KCNT2: variants seen among roughly 807,000 people sequenced by gnomAD.
KCNT2 encodes potassium channel subfamily T member 2.
Under a neutral mutation model 153.8 loss-of-function variants are expected in KCNT2, and 67 were observed. The observed-to-expected ratio is 0.44, with a 90% CI of 0.36 to 0.53. The LOEUF (loss-of-function observed/expected upper bound fraction) is 0.53, where lower values mean the gene tolerates loss of function less well. KCNT2 is among the 20% of genes least tolerant of loss of function. KCNT2 has a pLI of 0.00. For missense variants in KCNT2, 975 were observed against 1,354.8 expected (o/e 0.72, Z 4.40); for synonymous variants, 500 against 458.8 (o/e 1.09, Z -1.15).
At chr1:196,443,317 C>CA (rs924024853) in intron 8 of KCNT2, among the ~76,000 whole-genome samples, 7 of 151,412 alleles carry the variant, frequency 4.6e-5, no homozygotes, top group Admixed American at 4.0e-4. Flanking sequence ...ATTTGGTCAT[C>CA]ATTTTCAAGT....
At chr1:196,342,017 T>A in intron 15 of KCNT2, 62 bp downstream of exon 15, 1 of 1,527,174 alleles carries the variant, frequency 6.5e-7, no homozygotes, top group Non-Finnish European at 8.8e-7. Flanking sequence ...TTTTGAAAAC[T>A]ATTTTCACAT....
intron 3 of KCNT2, among the ~76,000 whole-genome samples, chr1:196,486,549 A>G (rs1321790066): frequency 6.6e-6 from 1 of 151,968 alleles, no homozygotes; most frequent in Non-Finnish European, 1.5e-5. Context: ...AGAGGGTAAA[A>G]GTGTGAGAAC....
At chr1:196,606,137 T>C (rs1558130372) in intron 1 of KCNT2, among the ~76,000 whole-genome samples, 1 of 152,208 alleles carries the variant, frequency 6.6e-6, no homozygotes, top group Non-Finnish European at 1.5e-5. Context: ...AACTAAATGT[T>C]AGTTCTGCGC....
rs189608414 is a variant in KCNT2, at chr1:196,395,439, G to A, written c.1294+3124C>T. The stretch of plus-strand genomic sequence containing the variant: ...AATACAAATTTGTTATGAAGATGAC[G>A]AATAGGCACTCAAGATATAAATTAT... On this transcript the variant is annotated intron_variant, in intron 13 of 27. Coordinates refer to ENST00000294725, the MANE Select transcript of KCNT2 (RefSeq NM_198503.5). Among the ~76,000 whole-genome samples the A allele has an allele frequency of 6.6e-5, 10 of 151,624 alleles. No individual in the cohort carries two copies. The East Asian group carries it at 1.8e-3, about 27-fold the overall frequency.
intron 12 of KCNT2, among the ~76,000 whole-genome samples, chr1:196,422,699 T>C (rs1673313671): frequency 6.6e-6 from 1 of 151,914 alleles, no homozygotes; most frequent in Non-Finnish European, 1.5e-5. Flanking sequence ...TTGGTTCTAA[T>C]GCCTGATCCA....
intron 14 of KCNT2, among the ~76,000 whole-genome samples, chr1:196,365,841 T>A (rs1667992101): frequency 6.6e-6 from 1 of 152,178 alleles, no homozygotes; most frequent in Non-Finnish European, 1.5e-5. Flanking sequence ...AAAGATTGAC[T>A]CTTACTTGTA....
At chr1:196,531,429 G>A (rs759615167) in intron 1 of KCNT2, among the ~76,000 whole-genome samples, 3 of 152,058 alleles carry the variant, frequency 2.0e-5, no homozygotes, top group Non-Finnish European at 2.9e-5. Context: ...AATGCACCAC[G>A]TTAACTGTTC....
chr1:196,258,295 G>A lies in KCNT2; in HGVS notation c.3110C>T (p.Thr1037Ile). ...CCTGTAGAGGTTCAGTCGCTGCTGG[G>A]TTATTTTTTCAGCTGTTTTACCAGA... ...KHSGKTAEKI[T>I]QQRLNLYRRS... Residue 1037 changes from threonine to isoleucine, a missense_variant, in exon 26 of 28, where the codon ACC (threonine) becomes ATC (isoleucine). Physicochemically the swap from Thr to Ile is moderately conservative, Grantham distance 89. Around this residue, in one of 6 missense-constraint regions of KCNT2, gnomAD observed 241 missense variants for 271.1 expected, o/e 0.89. Coordinates refer to ENST00000294725, the MANE Select transcript of KCNT2 (RefSeq NM_198503.5). The A allele has an allele frequency of 6.2e-7, 1 of 1,613,996 alleles. No individual in the cohort carries two copies. The highest frequency in any genetic ancestry group is 2.2e-5 in the East Asian group (1 of 44,866).
chr1:196,564,108 A>T (rs1659776831), intron 1 of KCNT2, among the ~76,000 whole-genome samples: 1 of 151,854 alleles, frequency 6.6e-6, no homozygotes, highest in South Asian at 2.1e-4. Context: ...TATAGAAAAT[A>T]CAAAAGACCC....
chr1:196,463,114 T>G (rs939820453), intron 8 of KCNT2, among the ~76,000 whole-genome samples: 39 of 151,744 alleles, frequency 2.6e-4, no homozygotes, highest in African/African-American at 9.4e-4. Context: ...CCCAGCAGTA[T>G]CAAGCTGGGG....
chr1:196,350,155 C>A (rs1456279089), intron 14 of KCNT2, among the ~76,000 whole-genome samples: 2 of 151,978 alleles, frequency 1.3e-5, no homozygotes, highest in Non-Finnish European at 2.9e-5. Context: ...TGAATAGAGC[C>A]GCAATAAACA....
intron 13 of KCNT2, among the ~76,000 whole-genome samples, chr1:196,396,166 G>T (rs1253010085): frequency 2.0e-5 from 3 of 151,578 alleles, no homozygotes; most frequent in African/African-American, 7.3e-5. Flanking sequence ...CTTTCCAAGT[G>T]ATTTTTCATC....
At chr1:196,248,053 C>A (rs1655611608) in intron 26 of KCNT2, among the ~76,000 whole-genome samples, 1 of 151,946 alleles carries the variant, frequency 6.6e-6, no homozygotes, top group Non-Finnish European at 1.5e-5. Context: ...TGACCAATGG[C>A]TCAATGAAGA....
At chr1:196,268,901 C>G (rs1472801980) in intron 25 of KCNT2, among the ~76,000 whole-genome samples, 1 of 152,112 alleles carries the variant, frequency 6.6e-6, no homozygotes, top group African/African-American at 2.4e-5. Flanking sequence ...ATTCTCCACA[C>G]TGCCTCTGTG....
chr1:196,458,192 T>A (rs1161879444), intron 8 of KCNT2, among the ~76,000 whole-genome samples: 1 of 151,588 alleles, frequency 6.6e-6, no homozygotes, highest in African/African-American at 2.4e-5. Context: ...AAAAGCAATA[T>A]TAAAAAACAA....
At chr1:196,259,305 A>T (rs570208522) in intron 25 of KCNT2, among the ~76,000 whole-genome samples, 1 of 152,252 alleles carries the variant, frequency 6.6e-6, no homozygotes, top group South Asian at 2.1e-4. Flanking sequence ...TTAAAGTAAG[A>T]TGCTCTCCTT....
At chr1:196,463,168 G>C (rs117996821) in intron 8 of KCNT2, among the ~76,000 whole-genome samples, 8,668 of 151,792 alleles carry the variant, frequency 0.057, 391 homozygotes, top group Non-Finnish European at 0.085. Context: ...ATTTGTTTAA[G>C]TTGCTGTATT....
intron 1 of KCNT2, among the ~76,000 whole-genome samples, chr1:196,503,999 C>A (rs1317989378): frequency 1.3e-5 from 2 of 152,036 alleles, no homozygotes; most frequent in African/African-American, 4.8e-5. Context: ...CATTTAAAGT[C>A]AAGGTGACAC....
intron 1 of KCNT2, among the ~76,000 whole-genome samples, chr1:196,531,892 G>C (rs547699143): frequency 1.4e-3 from 208 of 152,164 alleles, no homozygotes; most frequent in African/African-American, 4.6e-3. Flanking sequence ...GGAAGTTACA[G>C]AAAGTGGTAA....
Sources: gnomAD v4.1 joint callset for allele counts (sites outside exome capture counted in the v4.1 genomes callset) on GRCh38, gnomAD v4.1.1 for gene constraint, gnomAD v4.1.1 regional missense constraint, MANE v1.5 for transcripts, NCBI Gene and HGNC (gene_info 2026-07-23, HGNC 2026-07-21) for gene names.